SLC24A2: variants seen among roughly 807,000 people sequenced by gnomAD.
SLC24A2 encodes the protein sodium/potassium/calcium exchanger 2.
SLC24A2 carries 36 observed loss-of-function variants against 62.0 expected under a neutral mutation model. The observed-to-expected ratio is 0.58, with a 90% CI of 0.44 to 0.77. The LOEUF (loss-of-function observed/expected upper bound fraction) is 0.77, where lower values mean the gene tolerates loss of function less well. Among genes scored for constraint, SLC24A2 ranks in the 30% least tolerant of loss-of-function variants. The pLI is 0.00. For synonymous variants in SLC24A2, 358 were observed against 294.0 expected (o/e 1.22, Z -2.23); for missense variants, 846 against 817.9 (o/e 1.03, Z -0.42).
chr9:20,004,609 A>T, the SLC24A2 span, among the ~76,000 whole-genome samples: 31 of 152,320 alleles, frequency 2.0e-4, no homozygotes, highest in African/African-American at 5.8e-4. Context: ...GATGTAGTAA[A>T]AATCATTAAT....
At chr9:20,141,992 A>G in the SLC24A2 span, among the ~76,000 whole-genome samples, 3 of 152,146 alleles carry the variant, frequency 2.0e-5, no homozygotes, top group Non-Finnish European at 4.4e-5. Context: ...CTGAGGCAGG[A>G]GAACTATTGG....
chr9:19,819,515 GA>G, the SLC24A2 span, among the ~76,000 whole-genome samples: 2 of 151,082 alleles, frequency 1.3e-5, no homozygotes, highest in Non-Finnish European at 3.0e-5. Context: ...AAATCAGTAA[GA>G]AAAAAACAAT....
At chr9:19,588,392 G>A (rs1342983564) in intron 5 of SLC24A2, among the ~76,000 whole-genome samples, 1 of 152,038 alleles carries the variant, frequency 6.6e-6, no homozygotes, top group African/African-American at 2.4e-5. Flanking sequence ...CTTGCAGTGT[G>A]CTTCTCAGAC....
the SLC24A2 span, among the ~76,000 whole-genome samples, chr9:19,922,368 T>C: frequency 4.6e-5 from 7 of 152,320 alleles, no homozygotes; most frequent in East Asian, 1.3e-3. Flanking sequence ...CATTTAGTGT[T>C]CTTCTCTGAT....
intron 4 of SLC24A2, among the ~76,000 whole-genome samples, chr9:19,617,780 C>T (rs919046111): frequency 6.6e-6 from 1 of 152,150 alleles, no homozygotes; most frequent in Admixed American, 6.5e-5. Flanking sequence ...TCCTAAGAGC[C>T]CTGGGAAGCC....
chr9:19,865,379 A>G, the SLC24A2 span, among the ~76,000 whole-genome samples: 1 of 152,184 alleles, frequency 6.6e-6, no homozygotes, highest in Non-Finnish European at 1.5e-5. Flanking sequence ...AAAGACACAA[A>G]AGACCCAGAA....
chr9:20,043,494 G>A, the SLC24A2 span, among the ~76,000 whole-genome samples: 10 of 152,284 alleles, frequency 6.6e-5, no homozygotes, highest in African/African-American at 2.2e-4. Flanking sequence ...TCACTATTCT[G>A]GATGCCATTA....
chr9:19,977,113 T>TTG, the SLC24A2 span, among the ~76,000 whole-genome samples: 66,709 of 145,102 alleles, frequency 0.46, 15,280 homozygotes, highest in Non-Finnish European at 0.51. Flanking sequence ...ATTTCTATAT[T>TTG]TGTGTGTGTG....
At chr9:20,213,434 T>G in the SLC24A2 span, among the ~76,000 whole-genome samples, 1 of 151,848 alleles carries the variant, frequency 6.6e-6, no homozygotes, top group South Asian at 2.1e-4. Context: ...AACAAAAATT[T>G]TTAAGAAAAA....
the SLC24A2 span, among the ~76,000 whole-genome samples, chr9:19,894,303 G>C: frequency 6.6e-6 from 1 of 152,170 alleles, no homozygotes; most frequent in African/African-American, 2.4e-5. Flanking sequence ...GAGGTGGCCT[G>C]AGGGCCTCTG....
the SLC24A2 span, among the ~76,000 whole-genome samples, chr9:20,132,954 GT>G: frequency 1.3e-5 from 2 of 152,026 alleles, no homozygotes; most frequent in African/African-American, 4.8e-5. Context: ...TTTTGTGATG[GT>G]GTTTTGATTT....
At chr9:19,668,311 C>T (rs577793454) in intron 2 of SLC24A2, among the ~76,000 whole-genome samples, 1 of 152,208 alleles carries the variant, frequency 6.6e-6, no homozygotes, top group Non-Finnish European at 1.5e-5. Context: ...CAATATCACA[C>T]TGCTAGTAAG....
the SLC24A2 span, among the ~76,000 whole-genome samples, chr9:20,081,440 G>C: frequency 7.3e-6 from 1 of 137,726 alleles, no homozygotes. Flanking sequence ...AGAACACTTG[G>C]GCACAGGAAG....
intron 2 of SLC24A2, among the ~76,000 whole-genome samples, chr9:19,726,068 G>A (rs563355854): frequency 2.6e-5 from 4 of 152,252 alleles, no homozygotes; most frequent in South Asian, 4.2e-4. Context: ...CAGCTCTAGC[G>A]AGGCCACATC....
chr9:20,205,667 AAAAAAAACAAAC>A, the SLC24A2 span, among the ~76,000 whole-genome samples: 76 of 150,352 alleles, frequency 5.1e-4, no homozygotes, highest in African/African-American at 1.8e-3. Flanking sequence ...AAAAAAAAAA[AAAAAAAACAAAC>A]AAAAAAACGT....
At chr9:20,033,040 T>A in the SLC24A2 span, among the ~76,000 whole-genome samples, 2 of 152,136 alleles carry the variant, frequency 1.3e-5, no homozygotes, top group African/African-American at 4.8e-5. Flanking sequence ...AATTTTAGAG[T>A]TCATGCGTCC....
intron 2 of SLC24A2, among the ~76,000 whole-genome samples, chr9:19,633,914 G>A (rs1423160850): frequency 6.6e-6 from 1 of 152,066 alleles, no homozygotes; most frequent in Non-Finnish European, 1.5e-5. Flanking sequence ...TCTAAAAAAT[G>A]GTTTCTGACA....
chr9:19,810,324 A>T, the SLC24A2 span, among the ~76,000 whole-genome samples: 1 of 152,244 alleles, frequency 6.6e-6, no homozygotes, highest in Non-Finnish European at 1.5e-5. Flanking sequence ...CAGGTGGAGC[A>T]GGTAAGGTTA....
intron 2 of SLC24A2, among the ~76,000 whole-genome samples, chr9:19,758,435 A>G (rs1822211466): frequency 6.6e-6 from 1 of 152,162 alleles, no homozygotes; most frequent in Admixed American, 6.5e-5. Flanking sequence ...GAACAACCAT[A>G]AATAACCTGT....
Sources: allele counts gnomAD v4.1 joint callset (sites outside exome capture counted in the v4.1 genomes callset), GRCh38; gene constraint gnomAD v4.1.1; transcripts MANE v1.5; gene names NCBI Gene and HGNC (gene_info 2026-07-23, HGNC 2026-07-21).